IL9R: variants seen among roughly 807,000 people sequenced by gnomAD.
The protein encoded by IL9R is interleukin-9 receptor.
Under a neutral mutation model 56.3 loss-of-function variants are expected in IL9R, and 54 were observed. The ratio of observed to expected loss-of-function variants is 0.96; its 90% CI spans 0.77 to 1.20. IL9R has a LOEUF of 1.20. Among genes scored for constraint, IL9R ranks in the 50% most tolerant of loss-of-function variants. IL9R has a pLI of 0.00. For synonymous variants in IL9R, 212 were observed against 250.2 expected (o/e 0.85, Z 1.44); for missense variants, 545 against 629.8 (o/e 0.87, Z 1.44).
chrX:156,008,899 CTG>C (rs1298505115), intron 8 of IL9R, among the ~76,000 whole-genome samples: 2 of 142,262 alleles, frequency 1.4e-5, no homozygotes, highest in Admixed American at 6.9e-5. Context: ...GTTTATGTGT[CTG>C]TGTGTGTTCG....
rs371717178 is a variant in IL9R, at chrX:155,999,202, C to T, written c.28+1415C>T. Among the ~76,000 whole-genome samples the T allele has an allele frequency of 2.3e-3, 357 of 152,162 alleles. 1 individual carries two copies. The highest frequency in any genetic ancestry group is 8.1e-3 in the African/African-American group (336 of 41,508). On this transcript the variant is annotated intron_variant, in intron 1 of 8. Coordinates refer to ENST00000244174, the MANE Select transcript of IL9R (RefSeq NM_002186.3). Reference sequence around the variant, plus strand: ...AGCAGAGCAGCAGGGGTCTCCTCCACGCCTCTCTGTACTTCTCCCACCCAC... The same window carrying T: ...AGCAGAGCAGCAGGGGTCTCCTCCATGCCTCTCTGTACTTCTCCCACCCAC...
intron 5 of IL9R, among the ~76,000 whole-genome samples, chrX:156,005,021 TGA>T (rs1337609656): frequency 1.3e-4 from 20 of 152,168 alleles, no homozygotes; most frequent in African/African-American, 4.6e-4. Flanking sequence ...GCAAGTGTGA[TGA>T]GTGTGAAAGT....
In IL9R at chrX:156,007,334, G is replaced by A. The variant is rs902203511; in HGVS notation, c.888-189G>A. On this transcript the variant is annotated intron_variant, in intron 7 of 8. Coordinates refer to ENST00000244174, the MANE Select transcript of IL9R (RefSeq NM_002186.3). ...GCCTCAGTATAAATCAGTTCTATGCGGCCGTTAGGCAAGGAGGCCCAGTTG... is the reference window on the plus strand; with the variant it reads ...GCCTCAGTATAAATCAGTTCTATGCAGCCGTTAGGCAAGGAGGCCCAGTTG... 5.3e-5 allele frequency among the ~76,000 whole-genome samples: 8 copies of A among 150,196 alleles called. No homozygotes were observed. The East Asian group carries it at 8.0e-4, about 15-fold the overall frequency.
chrX:155,998,004 G>A (rs2067254925), intron 1 of IL9R, among the ~76,000 whole-genome samples: 2 of 152,150 alleles, frequency 1.3e-5, no homozygotes, highest in Non-Finnish European at 1.5e-5. Flanking sequence ...CTAATTTCCA[G>A]TCCTGTAGGG....
At chrX:156,006,491 C>T (rs2067968162) in intron 7 of IL9R, among the ~76,000 whole-genome samples, 1 of 150,706 alleles carries the variant, frequency 6.6e-6, no homozygotes, top group Admixed American at 6.6e-5. Context: ...GACCCAGAGT[C>T]ACCGAGATCA....
At chrX:156,005,519 G>A in intron 6 of IL9R, 40 bp downstream of exon 6, 3 of 1,558,092 alleles carry the variant, frequency 1.9e-6, no homozygotes, top group Non-Finnish European at 2.7e-6. Flanking sequence ...AGCGGAGTCT[G>A]GGCTGGGCGT....
At position 155,997,742 on chromosome X, in the gene IL9R, G is replaced by A. The variant is rs771355346; in HGVS notation, c.-18G>A. On this transcript the variant is annotated 5_prime_UTR_variant, in exon 1 of 9. Coordinates refer to ENST00000244174, the MANE Select transcript of IL9R (RefSeq NM_002186.3). ...GGGTGACAAATCACCTCCAGGTTGG[G>A]GATGCCTCAGACTTGTGATGGGACT... The A allele has an allele frequency of 6.2e-7, 1 of 1,613,490 alleles. No homozygotes were observed. Among genetic ancestry groups the A allele is most frequent in the Non-Finnish European group, 8.5e-7 (1 of 1,179,520 alleles).
At chrX:156,001,120 C>T (rs1290329613) in intron 1 of IL9R, among the ~76,000 whole-genome samples, 2 of 152,168 alleles carry the variant, frequency 1.3e-5, no homozygotes, top group African/African-American at 4.8e-5. Flanking sequence ...CCTGCCCTAC[C>T]ATCCCCCTTC....
chrX:156,003,349 C>G (rs2067670793), intron 2 of IL9R, 100 bp from the exon 3 acceptor site: 1 of 837,818 alleles, frequency 1.2e-6, no homozygotes, highest in African/African-American at 1.7e-5. Flanking sequence ...TTACTGGTGA[C>G]TGCCCTGCTA....
chrX:156,000,560 A>G, intron 1 of IL9R, among the ~76,000 whole-genome samples: 1 of 152,190 alleles, frequency 6.6e-6, no homozygotes, highest in South Asian at 2.1e-4. Context: ...TGGGGGTGTC[A>G]GGGGCAGCTC....
chrX:155,997,941 G>A (rs1229865442), intron 1 of IL9R, among the ~76,000 whole-genome samples, 154 bp downstream of exon 1: 1 of 151,888 alleles, frequency 6.6e-6, no homozygotes, highest in Non-Finnish European at 1.5e-5. Context: ...TCCTGGCCTT[G>A]TGTATCTCTT....
At chrX:155,998,508 T>G (rs1393683475) in intron 1 of IL9R, among the ~76,000 whole-genome samples, 1 of 152,144 alleles carries the variant, frequency 6.6e-6, no homozygotes, top group East Asian at 1.9e-4. Context: ...TATGCTGTTC[T>G]GGGCTCACCC....
rs775451936 is a variant in IL9R, at chrX:155,997,979, C to T, written c.28+192C>T. Among the ~76,000 whole-genome samples the T allele has an allele frequency of 2.6e-3, 396 of 152,196 alleles. 2 individuals are homozygous for T. Among genetic ancestry groups the T allele is most frequent in the African/African-American group, 8.8e-3 (366 of 41,522 alleles). ...AGATGGCAAAATTTGCAGCCCTGAC[C>T]TCAAGGATTACAAACTAATTTCCAG... On this transcript the variant is annotated intron_variant, in intron 1 of 8. Coordinates refer to ENST00000244174, the MANE Select transcript of IL9R (RefSeq NM_002186.3).
rs771522601 is a variant in IL9R at position 156,003,813 on chromosome X, C to A, written c.391C>A (p.Gln131Lys). Residue 131 changes from glutamine to lysine, a missense_variant, in exon 4 of 9, where the codon CAG (glutamine) becomes AAG (lysine). Physicochemically the swap from Gln to Lys is moderately conservative, Grantham distance 53. This residue lies in a region of IL9R where 431 missense variants were observed against 360.0 expected (regional missense o/e 1.20). Coordinates refer to ENST00000244174, the MANE Select transcript of IL9R (RefSeq NM_002186.3). ...TFHHCMSGRE[Q>K]VSLVDPEYLP... ...CCACCACTGCATGTCTGGGAGGGAGCAGGTCAGCCTGGTGGACCCGGAGTA... is the reference window on the plus strand; with the variant it reads ...CCACCACTGCATGTCTGGGAGGGAGAAGGTCAGCCTGGTGGACCCGGAGTA... The A allele has an allele frequency of 1.9e-6, 3 of 1,613,774 alleles. No homozygotes were observed. The highest frequency in any genetic ancestry group is 2.2e-5 in the East Asian group (1 of 44,890).
At chrX:155,999,493 G>C (rs2067366883) in intron 1 of IL9R, among the ~76,000 whole-genome samples, 1 of 152,008 alleles carries the variant, frequency 6.6e-6, no homozygotes, top group Non-Finnish European at 1.5e-5. Context: ...TGGCCTTTCA[G>C]ACCCCATCCC....
In IL9R at chrX:155,998,995, G is replaced by T. The variant is rs771734715; in HGVS notation, c.28+1208G>T. ...GTGCCAATATCCTCACTCCAGCCCT[G>T]GCCCATGGCCACTGCTCAACCCTTG... is the stretch of plus-strand genomic sequence containing the variant. On this transcript the variant is annotated intron_variant, in intron 1 of 8. Transcript: ENST00000244174. Among the ~76,000 whole-genome samples the T allele has an allele frequency of 2.7e-3, 411 of 152,180 alleles. 1 individual carries two copies. Among genetic ancestry groups the T allele is most frequent in the Non-Finnish European group, 2.2e-3 (148 of 68,006 alleles).
At chrX:156,004,387 G>T in intron 4 of IL9R, 33 bp from the exon 5 acceptor site, 1 of 1,612,538 alleles carries the variant, frequency 6.2e-7, no homozygotes, top group Non-Finnish European at 8.5e-7. Flanking sequence ...GACCCATGGG[G>T]CTTCAGCCTC....
rs756199302 is a variant in IL9R, at chrX:156,003,885, G to A, written c.433+30G>A. On this transcript the variant is annotated intron_variant, in intron 4 of 8. Coordinates refer to ENST00000244174, the MANE Select transcript of IL9R (RefSeq NM_002186.3). ...GCAGCAGCTATAGGTCTGGGGCGGG[G>A]CCGCTTGGCAAGAACATCCTGGCTG... 5.0e-6 allele frequency: 8 copies of A among 1,611,468 alleles called. 1 individual carries two copies. The South Asian group carries it at 8.8e-5, about 18-fold the overall frequency.
Position 156,004,451 on chromosome X carries a change from C to A in IL9R, c.465C>A (p.Ser155Arg), listed in dbSNP as rs745368390. ...VKLDPPSDLQ[S>R]NISSGHCILT... ...TGGACCCGCCCTCTGACTTGCAGAG[C>A]AACATCAGTTCTGGCCACTGCATCC... is the stretch of plus-strand genomic sequence containing the variant. The change falls in exon 5 of 9, where the codon AGC becomes AGA. Residue 155 changes from serine to arginine, a missense_variant. By Grantham distance (110) the Ser-to-Arg change is moderately radical. This residue lies in a region of IL9R where 431 missense variants were observed against 360.0 expected (regional missense o/e 1.20). Transcript: ENST00000244174. The A allele has an allele frequency of 1.9e-6, 3 of 1,613,906 alleles. No individual in the cohort carries two copies. Among genetic ancestry groups the A allele is most frequent in the Non-Finnish European group, 2.5e-6 (3 of 1,179,818 alleles).
Sources: allele counts gnomAD v4.1 joint callset (sites outside exome capture counted in the v4.1 genomes callset), GRCh38; gene constraint gnomAD v4.1.1; regional missense constraint gnomAD v4.1.1; transcripts MANE v1.5; gene names NCBI Gene and HGNC (gene_info 2026-07-23, HGNC 2026-07-21).